Variants in TPRG1 observed in about 807,000 individuals in gnomAD.
TPRG1 encodes tumor protein p63 regulated 1, also known as tumor protein p63-regulated gene 1 protein.
In TPRG1, 29 loss-of-function variants were observed where a neutral mutation model predicts 29.3. The ratio of observed to expected loss-of-function variants is 0.99; its 90% CI spans 0.74 to 1.35. The LOEUF (loss-of-function observed/expected upper bound fraction) is 1.35, where lower values mean the gene tolerates loss of function less well. Among genes scored for constraint, TPRG1 ranks in the 40% most tolerant of loss-of-function variants. The pLI is 0.00. For missense variants in TPRG1, 327 were observed against 335.0 expected, an observed-to-expected ratio of 0.98 and a Z score of 0.19; for synonymous variants, 130 against 116.8, an observed-to-expected ratio of 1.11 and a Z score of -0.73.
chr3:189,200,253 A>G (rs1189399546), intron 1 of TPRG1, among the ~76,000 whole-genome samples: 1 of 152,208 alleles, frequency 6.6e-6, no homozygotes, highest in African/African-American at 2.4e-5. Context: ...CTAATATACA[A>G]AATGTGAAAT....
chr3:189,264,780 A>G (rs1713768315), intron 4 of TPRG1, among the ~76,000 whole-genome samples: 1 of 152,214 alleles, frequency 6.6e-6, no homozygotes, highest in South Asian at 2.1e-4. Flanking sequence ...TAACTCCCTG[A>G]TTTCTTATCC....
At chr3:189,289,881 T>C (rs1274551578) in intron 4 of TPRG1, among the ~76,000 whole-genome samples, 1 of 152,212 alleles carries the variant, frequency 6.6e-6, no homozygotes, top group Non-Finnish European at 1.5e-5. Context: ...AACAGAGTTG[T>C]TATAGCTACT....
At chr3:189,109,360 G>T (rs1286732412) in intron 1 of TPRG1, among the ~76,000 whole-genome samples, 1 of 152,152 alleles carries the variant, frequency 6.6e-6, no homozygotes, top group Non-Finnish European at 1.5e-5. Flanking sequence ...GAAACAATGG[G>T]AGTTACCTGG....
intron 3 of TPRG1, among the ~76,000 whole-genome samples, chr3:189,234,637 T>G (rs1739168168): frequency 6.6e-6 from 1 of 152,156 alleles, no homozygotes. Flanking sequence ...CCAAGGCATA[T>G]AGGTTGTGCA....
intron 3 of TPRG1, among the ~76,000 whole-genome samples, chr3:189,230,289 T>C (rs1040077265): frequency 2.0e-5 from 3 of 152,174 alleles, no homozygotes; most frequent in African/African-American, 7.2e-5. Context: ...CTTGATGGAA[T>C]GTATGCAGCC....
intron 2 of TPRG1, among the ~76,000 whole-genome samples, chr3:189,208,441 A>G (rs937596710): frequency 6.6e-6 from 1 of 150,838 alleles, no homozygotes; most frequent in African/African-American, 2.4e-5. Flanking sequence ...ATGTATTTCA[A>G]CTCATTCTCA....
chr3:189,224,474 A>G (rs904717595), intron 3 of TPRG1, among the ~76,000 whole-genome samples: 2 of 152,028 alleles, frequency 1.3e-5, no homozygotes, highest in Non-Finnish European at 1.5e-5. Flanking sequence ...GCGAGACTCC[A>G]TCTCAAACAA....
intron 3 of TPRG1, among the ~76,000 whole-genome samples, chr3:189,225,152 C>T (rs1175255599): frequency 6.6e-6 from 1 of 152,060 alleles, no homozygotes; most frequent in Non-Finnish European, 1.5e-5. Flanking sequence ...AGGATGGTCT[C>T]GATCTCCTGA....
intron 3 of TPRG1, among the ~76,000 whole-genome samples, chr3:189,017,361 C>T (rs1310547363): frequency 2.6e-5 from 4 of 152,050 alleles, no homozygotes; most frequent in African/African-American, 9.7e-5. Context: ...GTATATCTCC[C>T]AGTGCTATCC....
intron 3 of TPRG1, among the ~76,000 whole-genome samples, chr3:189,231,832 G>A (rs1738701736): frequency 6.6e-6 from 1 of 152,092 alleles, no homozygotes. Context: ...CACAATACCT[G>A]ATCCATAGAA....
chr3:189,186,090 T>A (rs1730878829), intron 1 of TPRG1, among the ~76,000 whole-genome samples: 1 of 152,210 alleles, frequency 6.6e-6, no homozygotes, highest in African/African-American at 2.4e-5. Context: ...AGTTATTTTT[T>A]AAAAATTTAT....
chr3:189,150,948 G>A (rs1725861756), intron 5 of TPRG1: 1 of 152,092 alleles, frequency 6.6e-6, no homozygotes. Context: ...AGTAAGACTC[G>A]GTGCAAGAAG....
chr3:189,145,801 T>G (rs1185725532), intron 3 of TPRG1, among the ~76,000 whole-genome samples: 2 of 152,188 alleles, frequency 1.3e-5, no homozygotes, highest in Non-Finnish European at 1.5e-5. Context: ...ATCAGGACCA[T>G]ATTTATGACA....
At chr3:189,125,877 T>C (rs1056444724) in intron 1 of TPRG1, among the ~76,000 whole-genome samples, 2 of 147,246 alleles carry the variant, frequency 1.4e-5, no homozygotes, top group Non-Finnish European at 3.0e-5. Flanking sequence ...GTGTGTTTGG[T>C]ATATTTAGTT....
intron 3 of TPRG1, among the ~76,000 whole-genome samples, chr3:189,140,827 A>G (rs903766842): frequency 6.6e-6 from 1 of 152,116 alleles, no homozygotes; most frequent in African/African-American, 2.4e-5. Flanking sequence ...GCAGTTTTGC[A>G]TCCCCTTCCT....
chr3:189,049,792 G>C (rs1715201642), intron 4 of TPRG1, among the ~76,000 whole-genome samples: 1 of 152,038 alleles, frequency 6.6e-6, no homozygotes, highest in Non-Finnish European at 1.5e-5. Context: ...ATCCATGACT[G>C]AGAGACCCAT....
At chr3:189,083,299 A>G (rs945457745) in intron 4 of TPRG1, among the ~76,000 whole-genome samples, 2 of 152,092 alleles carry the variant, frequency 1.3e-5, no homozygotes, top group African/African-American at 2.4e-5. Context: ...GCTGCTAATG[A>G]TGGGTGGAGC....
At position 189,061,720 on chromosome 3, in the gene TPRG1, A is replaced by G. The variant is rs371441968; in HGVS notation, c.-463+37774A>G. Among the ~76,000 whole-genome samples the G allele has an allele frequency of 4.6e-5, 7 of 152,330 alleles. No homozygotes were observed. The East Asian group carries it at 9.7e-4, about 21-fold the overall frequency. On this transcript the variant is annotated intron_variant, in intron 4 of 10. Coordinates refer to the TPRG1 transcript ENST00000433971. Reference sequence around the variant, plus strand: ...ATTACTGATCATTAGAGAAATGCCAATCAAAACCACAACGAGATGCCATCT... The same window carrying G: ...ATTACTGATCATTAGAGAAATGCCAGTCAAAACCACAACGAGATGCCATCT...
intron 3 of TPRG1, among the ~76,000 whole-genome samples, chr3:189,005,190 T>C (rs371864140): frequency 4.4e-4 from 67 of 152,272 alleles, no homozygotes; most frequent in African/African-American, 1.5e-3. Context: ...TTTTACAGTC[T>C]AATTTAGAAG....
Sources: allele counts gnomAD v4.1 joint callset (sites outside exome capture counted in the v4.1 genomes callset), GRCh38; gene constraint gnomAD v4.1.1; transcripts MANE v1.5; gene names NCBI Gene and HGNC (gene_info 2026-07-23, HGNC 2026-07-21).